PPM1D: variants seen among roughly 807,000 people sequenced by gnomAD.
PPM1D encodes the protein protein phosphatase, Mg2+/Mn2+ dependent 1D, also known as protein phosphatase 1D.
In PPM1D, 52 loss-of-function variants were observed where a neutral mutation model predicts 58.3. The observed-to-expected ratio is 0.89, with a 90% CI of 0.71 to 1.12. The LOEUF (loss-of-function observed/expected upper bound fraction) is 1.12, where lower values mean the gene tolerates loss of function less well. Among genes scored for constraint, PPM1D ranks in the 50% most tolerant of loss-of-function variants. PPM1D has a pLI of 0.00. For synonymous variants in PPM1D, 278 were observed against 285.1 expected (o/e 0.98, Z 0.25); for missense variants, 564 against 777.2 (o/e 0.73, Z 3.26).
At chr17:60,635,413 C>T (rs919971981) in intron 3 of PPM1D, among the ~76,000 whole-genome samples, 5 of 152,022 alleles carry the variant, frequency 3.3e-5, no homozygotes, top group Non-Finnish European at 7.4e-5. Flanking sequence ...CGGGGTTTCT[C>T]TATGTTGGTC....
intron 2 of PPM1D, among the ~76,000 whole-genome samples, chr17:60,629,038 GC>G (rs997254266): frequency 1.3e-5 from 2 of 152,144 alleles, no homozygotes; most frequent in Non-Finnish European, 2.9e-5. Context: ...GGGTGACCAG[GC>G]TTAAGACCCT....
chr17:60,603,561 G>A (rs2030265949), intron 1 of PPM1D, among the ~76,000 whole-genome samples: 1 of 152,154 alleles, frequency 6.6e-6, no homozygotes, highest in Non-Finnish European at 1.5e-5. Context: ...TCAGGAGTTT[G>A]AGACCAGCCT....
chr17:60,605,677 C>T (rs185451690), intron 1 of PPM1D, among the ~76,000 whole-genome samples: 20 of 152,268 alleles, frequency 1.3e-4, no homozygotes, highest in Admixed American at 6.5e-4. Flanking sequence ...CCAAGGCGGG[C>T]GGATCACCCA....
At chr17:60,613,661 A>C (rs1259115265) in intron 1 of PPM1D, among the ~76,000 whole-genome samples, 1 of 152,244 alleles carries the variant, frequency 6.6e-6, no homozygotes, top group Non-Finnish European at 1.5e-5. Flanking sequence ...CTTGTGGGCC[A>C]GCGCGAGTTC....
chr17:60,624,966 C>T (rs995556499), intron 2 of PPM1D, among the ~76,000 whole-genome samples: 1 of 151,766 alleles, frequency 6.6e-6, no homozygotes, highest in Non-Finnish European at 1.5e-5. Context: ...ATGGTGAAAC[C>T]CCATCTCTGC....
In PPM1D at chr17:60,600,368, G is replaced by T. The variant is rs1425935068; in HGVS notation, c.-47G>T. 1 of 1,536,748 alleles carries T rather than the reference G, an allele frequency of 6.5e-7. No individual in the cohort carries two copies. The highest frequency in any genetic ancestry group is 8.8e-7 in the Non-Finnish European group (1 of 1,141,986). ...AGCGCCTAGTGTGTCTCCCGCCGCC[G>T]GATTCGGCGGGCTGCGTGGGACCGG... On this transcript the variant is annotated 5_prime_UTR_variant, in exon 1 of 6. Transcript: ENST00000305921.
intron 1 of PPM1D, among the ~76,000 whole-genome samples, chr17:60,617,317 A>G (rs898972111): frequency 4.0e-5 from 6 of 151,832 alleles, no homozygotes; most frequent in Non-Finnish European, 8.8e-5. Flanking sequence ...TTATTCATTC[A>G]CATTTATTGT....
At chr17:60,646,990 A>G (rs1055045388) in intron 3 of PPM1D, among the ~76,000 whole-genome samples, 1 of 152,190 alleles carries the variant, frequency 6.6e-6, no homozygotes, top group Non-Finnish European at 1.5e-5. Flanking sequence ...TGATCTAGAG[A>G]TTAACAGGAA....
intron 1 of PPM1D, among the ~76,000 whole-genome samples, chr17:60,606,355 T>C (rs2030329596): frequency 6.6e-6 from 1 of 152,228 alleles, no homozygotes; most frequent in African/African-American, 2.4e-5. Flanking sequence ...GCTGTGAACA[T>C]TGGTGTACAA....
chr17:60,629,442 A>G (rs1237036210), intron 2 of PPM1D, among the ~76,000 whole-genome samples: 3 of 152,192 alleles, frequency 2.0e-5, no homozygotes, highest in South Asian at 2.1e-4. Context: ...TGAAGCTGCT[A>G]TGGTGGCATA....
intron 3 of PPM1D, among the ~76,000 whole-genome samples, chr17:60,645,482 G>GTGTGTGTGTGTGTGTGTA (rs1340556364): frequency 7.2e-6 from 1 of 138,520 alleles, no homozygotes; most frequent in African/African-American, 3.1e-5. Flanking sequence ...GTGTGTGTGT[G>GTGTGTGTGTGTGTGTGTA]TGTGTGTGTG....
chr17:60,663,241 T>A lies in PPM1D; in HGVS notation c.1507T>A (p.Ser503Thr). ...SLPIGLVPTN[S>T]TNTVMDQKNL... ...TCCAATTGGCCTTGTGCCTACTAAT[T>A]CAACAAACACTGTCATGGACCAAAA... Residue 503 changes from serine to threonine, a missense_variant, in exon 6 of 6, where the codon TCA (serine) becomes ACA (threonine). Physicochemically the swap from Ser to Thr is moderately conservative, Grantham distance 58. Transcript: ENST00000305921. 1.2e-6 allele frequency: 2 copies of A among 1,614,144 alleles called. No individual in the cohort carries two copies. The highest frequency in any genetic ancestry group is 1.7e-6 in the Non-Finnish European group (2 of 1,180,032).
intron 2 of PPM1D, among the ~76,000 whole-genome samples, chr17:60,631,660 T>C (rs2030923690): frequency 1.3e-5 from 2 of 152,102 alleles, no homozygotes; most frequent in South Asian, 4.1e-4. Flanking sequence ...ATTTCTCTTC[T>C]TTGTTAACAC....
intron 1 of PPM1D, among the ~76,000 whole-genome samples, chr17:60,603,481 A>G (rs2030263230): frequency 6.6e-6 from 1 of 152,228 alleles, no homozygotes; most frequent in Non-Finnish European, 1.5e-5. Context: ...AATAGAGGAC[A>G]GCTGAATGGC....
intron 4 of PPM1D, among the ~76,000 whole-genome samples, chr17:60,650,697 A>G (rs547837437): frequency 2.6e-5 from 4 of 152,300 alleles, no homozygotes; most frequent in African/African-American, 9.6e-5. Flanking sequence ...AAGAGACATT[A>G]TTTAGGGAGA....
intron 3 of PPM1D, among the ~76,000 whole-genome samples, chr17:60,639,903 C>T (rs1049880023): frequency 2.8e-4 from 42 of 152,152 alleles, no homozygotes; most frequent in African/African-American, 9.2e-4. Context: ...TCGAAAAGTT[C>T]GGTGATAGGA....
chr17:60,628,263 T>C (rs890955045), intron 2 of PPM1D, among the ~76,000 whole-genome samples: 1 of 152,228 alleles, frequency 6.6e-6, no homozygotes, highest in Non-Finnish European at 1.5e-5. Context: ...AATTCTCATA[T>C]ATACTTTGGC....
intron 2 of PPM1D, 83 bp downstream of exon 2, chr17:60,623,832 T>TC (rs1371280837): frequency 9.9e-6 from 13 of 1,318,436 alleles, no homozygotes; most frequent in Non-Finnish European, 1.4e-5. Flanking sequence ...CCTACTACTG[T>TC]CCCTTTTACT....
intron 3 of PPM1D, among the ~76,000 whole-genome samples, chr17:60,644,961 A>T (rs1213450816): frequency 6.6e-6 from 1 of 152,208 alleles, no homozygotes; most frequent in African/African-American, 2.4e-5. Flanking sequence ...AAGAAATAGA[A>T]ATATACCACA....
Sources: gnomAD v4.1 joint callset for allele counts (sites outside exome capture counted in the v4.1 genomes callset) on GRCh38, gnomAD v4.1.1 for gene constraint, MANE v1.5 for transcripts, NCBI Gene and HGNC (gene_info 2026-07-23, HGNC 2026-07-21) for gene names.